The following WLS variants were observed in gnomAD, a reference collection of about 807,000 sequenced individuals.
WLS encodes protein wntless homolog.
Under a neutral mutation model 62.8 loss-of-function variants are expected in WLS, and 23 were observed. The observed-to-expected ratio is 0.37, with a 90% CI of 0.26 to 0.52. WLS has a LOEUF of 0.52. WLS is among the 20% of genes least tolerant of loss of function. WLS has a pLI of 0.92. For missense variants in WLS, 615 were observed against 697.3 expected, an observed-to-expected ratio of 0.88 and a Z score of 1.33; for synonymous variants, 246 against 244.1, an observed-to-expected ratio of 1.01 and a Z score of -0.07.
chr1:68,126,703 G>T (rs981549649), intron 11 of WLS, among the ~76,000 whole-genome samples: 28 of 152,310 alleles, frequency 1.8e-4, no homozygotes, highest in African/African-American at 6.7e-4. Flanking sequence ...GAAGTAGGCA[G>T]TATGAACGTG....
chr1:68,138,035 A>T (rs1008015444), intron 10 of WLS, 102 bp from the exon 11 acceptor site: 1 of 1,413,160 alleles, frequency 7.1e-7, no homozygotes. Flanking sequence ...AGTCTCTTCT[A>T]CATGTGGGAA....
chr1:68,132,599 C>T (rs747360684), intron 11 of WLS, among the ~76,000 whole-genome samples: 2 of 152,154 alleles, frequency 1.3e-5, no homozygotes, highest in African/African-American at 2.4e-5. Context: ...CCAGTGTTGC[C>T]GCTTTTGCTC....
chr1:68,208,781 A>G (rs1450707883), intron 1 of WLS, among the ~76,000 whole-genome samples: 4 of 152,202 alleles, frequency 2.6e-5, no homozygotes, highest in African/African-American at 9.6e-5. Flanking sequence ...TATTGTGTTC[A>G]TACATGACAT....
At chr1:68,180,576 C>T (rs1324188397) in intron 2 of WLS, among the ~76,000 whole-genome samples, 1 of 152,168 alleles carries the variant, frequency 6.6e-6, no homozygotes, top group Non-Finnish European at 1.5e-5. Flanking sequence ...AAATGCTAAA[C>T]CATCACAGCT....
At position 68,170,168 on chromosome 1, in the gene WLS, T is replaced by C. The variant is rs2820494; in HGVS notation, c.380-10921A>G. ...AATGCTGGCTACTATTTCTTTTTTT[T>C]TTTTTTTTTTTTTTGAGATGGAGTT... On this transcript the variant is annotated intron_variant, in intron 2 of 11. Coordinates refer to ENST00000262348, the MANE Select transcript of WLS (RefSeq NM_024911.7). Among the ~76,000 whole-genome samples, 59 of 67,894 alleles carry C rather than the reference T, an allele frequency of 8.7e-4. 1 individual carries two copies. Among genetic ancestry groups the C allele is most frequent in the African/African-American group, 1.3e-3 (26 of 19,534 alleles). 44.5% of individuals were successfully genotyped at this position (67,894 alleles called of 152,430 possible).
chr1:68,230,853 C>T (rs937077541), intron 1 of WLS, among the ~76,000 whole-genome samples: 1 of 152,144 alleles, frequency 6.6e-6, no homozygotes, highest in African/African-American at 2.4e-5. Flanking sequence ...AATTTGTTCC[C>T]ATCAAACCCA....
At chr1:68,110,688 T>TCTCTCTCTCTCTCTCTCTCTCTCTCC (rs1390457595) in intron 11 of WLS, among the ~76,000 whole-genome samples, 3 of 150,072 alleles carry the variant, frequency 2.0e-5, no homozygotes, top group African/African-American at 7.4e-5. Context: ...TCTCTCTCTC[T>TCTCTCTCTCTCTCTCTCTCTCTCTCC]CTCCATATAT....
intron 11 of WLS, among the ~76,000 whole-genome samples, chr1:68,113,229 A>G (rs1646250960): frequency 6.6e-6 from 1 of 152,198 alleles, no homozygotes. Flanking sequence ...GGCCTTATAG[A>G]TAGGTTGTTG....
intron 2 of WLS, among the ~76,000 whole-genome samples, chr1:68,164,990 C>G (rs867496783): frequency 6.6e-6 from 1 of 152,302 alleles, no homozygotes; most frequent in African/African-American, 2.4e-5. Flanking sequence ...CTTCTCCCCA[C>G]TTAGTAGCCT....
intron 11 of WLS, among the ~76,000 whole-genome samples, chr1:68,108,313 G>A (rs142534848): frequency 1.3e-5 from 2 of 152,180 alleles, no homozygotes; most frequent in East Asian, 3.9e-4. Context: ...TGTAGCTTTG[G>A]GTAACTCATT....
intron 4 of WLS, among the ~76,000 whole-genome samples, 179 bp downstream of exon 4, chr1:68,154,920 A>G (rs1295037583): frequency 6.6e-6 from 1 of 152,206 alleles, no homozygotes; most frequent in African/African-American, 2.4e-5. Flanking sequence ...GGGCACAATA[A>G]TTGCATTGTT....
At chr1:68,114,823 G>A (rs1646270235) in intron 11 of WLS, among the ~76,000 whole-genome samples, 1 of 152,246 alleles carries the variant, frequency 6.6e-6, no homozygotes, top group Admixed American at 6.5e-5. Context: ...ATAGGGTAAA[G>A]CAAGAACAGA....
chr1:68,144,488 A>C (rs372091396), intron 10 of WLS, 81 bp downstream of exon 10: 2 of 1,371,268 alleles, frequency 1.5e-6, no homozygotes, highest in Non-Finnish European at 2.0e-6. Context: ...TCCTTTCCTC[A>C]GTGGCTCTAT....
intron 9 of WLS, among the ~76,000 whole-genome samples, chr1:68,145,168 C>T (rs889231034): frequency 3.9e-5 from 6 of 152,276 alleles, no homozygotes; most frequent in Middle Eastern, 3.4e-3. Context: ...AGAGGGAGGC[C>T]TATTATTCAG....
chr1:68,187,962 TG>T (rs1175307319), intron 2 of WLS, among the ~76,000 whole-genome samples: 1 of 152,242 alleles, frequency 6.6e-6, no homozygotes, highest in African/African-American at 2.4e-5. Flanking sequence ...CCTGAGGCTC[TG>T]CATTATGTTA....
chr1:68,148,648 G>A lies in WLS; in HGVS notation c.985C>T (p.Arg329Trp), dbSNP rs183229421. Residue 329 changes from arginine (R) to tryptophan (W), a missense_variant, in exon 7 of 12, where the codon CGG becomes TGG. By Grantham distance (101) the Arg-to-Trp change is moderately radical (BLOSUM62 -3). Coordinates refer to ENST00000262348, the MANE Select transcript of WLS (RefSeq NM_024911.7). Reference sequence around the variant, plus strand: ...TTCCAATACCCTGCGATGTGGTTCCGCTCGTGCTGATCCTGAGGAAAACCA... The same window carrying A: ...TTCCAATACCCTGCGATGTGGTTCCACTCGTGCTGATCCTGAGGAAAACCA... ...CGEHMMDQHE[R>W]NHIAGYWKQV... 143 of 1,613,714 alleles carry A rather than the reference G, an allele frequency of 8.9e-5. No homozygotes were observed. Among genetic ancestry groups the A allele is most frequent in the Middle Eastern group, 6.6e-4 (4 of 6,044 alleles).
intron 11 of WLS, among the ~76,000 whole-genome samples, chr1:68,119,048 A>G (rs560048421): frequency 3.5e-4 from 53 of 152,256 alleles, no homozygotes; most frequent in African/African-American, 1.3e-3. Context: ...ATTTCAACAT[A>G]TATTGTAATA....
chr1:68,155,361 A>G (rs893341675), intron 3 of WLS, 101 bp from the exon 4 acceptor site: 5 of 1,376,082 alleles, frequency 3.6e-6, no homozygotes, highest in Non-Finnish European at 2.9e-6. Context: ...TAAGCAGCTA[A>G]TGCTTAAAGG....
intron 2 of WLS, among the ~76,000 whole-genome samples, chr1:68,180,862 T>C (rs1033637713): frequency 6.6e-5 from 10 of 152,204 alleles, no homozygotes; most frequent in Non-Finnish European, 1.2e-4. Flanking sequence ...GCAAACAACC[T>C]GGACCAGAAC....
Sources: gnomAD v4.1 joint callset for allele counts (sites outside exome capture counted in the v4.1 genomes callset) on GRCh38, gnomAD v4.1.1 for gene constraint, MANE v1.5 for transcripts, NCBI Gene and HGNC (gene_info 2026-07-23, HGNC 2026-07-21) for gene names.